Variants in TAFA2 observed in about 807,000 individuals in gnomAD.
The protein encoded by TAFA2 is chemokine-like protein TAFA-2.
TAFA2 carries 7 observed loss-of-function variants against 18.8 expected under a neutral mutation model. The observed-to-expected ratio is 0.37, with a 90% CI of 0.21 to 0.70. The LOEUF (loss-of-function observed/expected upper bound fraction) is 0.70. Among genes scored for constraint, TAFA2 ranks in the 30% least tolerant of loss-of-function variants. The pLI is 0.53. For synonymous variants in TAFA2, 60 were observed against 54.2 expected, an observed-to-expected ratio of 1.11 and a Z score of -0.47; for missense variants, 122 against 158.1, an observed-to-expected ratio of 0.77 and a Z score of 1.23.
chr12:61,915,430 C>T (rs1876782204), intron 1 of TAFA2, among the ~76,000 whole-genome samples: 1 of 152,150 alleles, frequency 6.6e-6, no homozygotes, highest in African/African-American at 2.4e-5. Context: ...TGGTTCTGAG[C>T]CATGTGTATT....
At chr12:62,020,796 C>T (rs12831463) in intron 1 of TAFA2, among the ~76,000 whole-genome samples, 1 of 151,892 alleles carries the variant, frequency 6.6e-6, no homozygotes, top group South Asian at 2.1e-4. Flanking sequence ...TGGCAGATAT[C>T]ACAATGGCCA....
At chr12:62,115,263 C>T (rs1330069075) in intron 1 of TAFA2, among the ~76,000 whole-genome samples, 1 of 152,142 alleles carries the variant, frequency 6.6e-6, no homozygotes, top group Non-Finnish European at 1.5e-5. Flanking sequence ...TGTATGTCTC[C>T]TTCCCCAGGC....
intron 2 of TAFA2, among the ~76,000 whole-genome samples, chr12:61,835,349 G>T (rs1285559396): frequency 6.6e-6 from 1 of 151,804 alleles, no homozygotes; most frequent in African/African-American, 2.4e-5. Context: ...CATGTTCTTT[G>T]AAAAAGATAT....
At chr12:62,125,171 C>T (rs1276287437) in intron 1 of TAFA2, among the ~76,000 whole-genome samples, 1 of 152,052 alleles carries the variant, frequency 6.6e-6, no homozygotes, top group Non-Finnish European at 1.5e-5. Context: ...GAATTGTATA[C>T]CTTTTATTTT....
At chr12:61,722,231 A>G (rs1231199202) in intron 4 of TAFA2, among the ~76,000 whole-genome samples, 1 of 152,192 alleles carries the variant, frequency 6.6e-6, no homozygotes, top group Non-Finnish European at 1.5e-5. Context: ...TAGCAAGAAA[A>G]AAGACTAATC....
At chr12:61,985,052 T>A (rs1237850509) in intron 1 of TAFA2, among the ~76,000 whole-genome samples, 1 of 152,178 alleles carries the variant, frequency 6.6e-6, no homozygotes, top group Non-Finnish European at 1.5e-5. Context: ...TAAAAGTTGC[T>A]TTGAATGTGA....
At chr12:61,959,554 A>G (rs1338354134) in intron 1 of TAFA2, among the ~76,000 whole-genome samples, 5 of 152,066 alleles carry the variant, frequency 3.3e-5, no homozygotes, top group Non-Finnish European at 5.9e-5. Flanking sequence ...GTTTTTATTC[A>G]ATTATAAATG....
intron 1 of TAFA2, among the ~76,000 whole-genome samples, chr12:62,038,326 A>G (rs1021212542): frequency 1.3e-5 from 2 of 152,228 alleles, no homozygotes; most frequent in Non-Finnish European, 2.9e-5. Flanking sequence ...ATATTAAAAT[A>G]CCATGTAAAC....
chr12:62,123,449 A>T (rs1870302522), intron 1 of TAFA2, among the ~76,000 whole-genome samples: 1 of 152,128 alleles, frequency 6.6e-6, no homozygotes, highest in South Asian at 2.1e-4. Flanking sequence ...AAAAATCACA[A>T]GAAATGGAAA....
chr12:61,965,126 C>T (rs984679496), intron 1 of TAFA2, among the ~76,000 whole-genome samples: 24 of 151,848 alleles, frequency 1.6e-4, no homozygotes, highest in African/African-American at 5.8e-4. Flanking sequence ...AATTTAAATC[C>T]TAATCCCCAA....
chr12:62,154,053 CT>C lies in TAFA2; in HGVS notation c.-2+37205del, dbSNP rs756532860. ...GCCTCAACCTCCTGAGTAGCTGAACCTACAGGCACCTGCCACCACACCTGGC... is the reference window on the plus strand; with the variant it reads ...GCCTCAACCTCCTGAGTAGCTGAACCACAGGCACCTGCCACCACACCTGGC... On this transcript the variant is annotated intron_variant, in intron 1 of 4. Transcript: ENST00000416284. Among the ~76,000 whole-genome samples the C allele has an allele frequency of 2.6e-5, 4 of 152,000 alleles. No individual in the cohort carries two copies. In the East Asian group the frequency reaches 7.7e-4, roughly 29 times the overall value.
chr12:61,951,340 G>T (rs1224643708), intron 1 of TAFA2, among the ~76,000 whole-genome samples: 1 of 152,094 alleles, frequency 6.6e-6, no homozygotes, highest in East Asian at 1.9e-4. Context: ...AAACAAAATG[G>T]TTACAATAAA....
At chr12:61,845,578 G>A (rs1415809422) in intron 2 of TAFA2, among the ~76,000 whole-genome samples, 1 of 152,134 alleles carries the variant, frequency 6.6e-6, no homozygotes, top group Non-Finnish European at 1.5e-5. Flanking sequence ...CCTATGAAGA[G>A]TTGGTATTAG....
chr12:61,728,193 A>G (rs141111307), intron 4 of TAFA2, among the ~76,000 whole-genome samples: 1 of 152,012 alleles, frequency 6.6e-6, no homozygotes, highest in Non-Finnish European at 1.5e-5. Context: ...TAGAATGTAT[A>G]TTGTGCAGTT....
intron 1 of TAFA2, chr12:62,234,958 T>C: frequency 1.4e-6 from 1 of 708,562 alleles, no homozygotes; most frequent in South Asian, 1.3e-5. Context: ...GTGGAAGGCA[T>C]GGTCGAGGCC....
chr12:61,748,256 G>A (rs1301424233), intron 4 of TAFA2, among the ~76,000 whole-genome samples: 1 of 152,074 alleles, frequency 6.6e-6, no homozygotes, highest in African/African-American at 2.4e-5. Flanking sequence ...GTGTGTAGTA[G>A]ATCACTAAGT....
chr12:62,049,348 G>C (rs559183126), intron 1 of TAFA2, among the ~76,000 whole-genome samples: 1 of 152,208 alleles, frequency 6.6e-6, no homozygotes, highest in Non-Finnish European at 1.5e-5. Context: ...TGGCAGCACT[G>C]TGACTTGGAA....
At chr12:61,870,000 C>T (rs929725350) in intron 1 of TAFA2, among the ~76,000 whole-genome samples, 1 of 152,142 alleles carries the variant, frequency 6.6e-6, no homozygotes, top group African/African-American at 2.4e-5. Context: ...CATCATTTTT[C>T]CATACCATTG....
At chr12:62,135,128 T>C (rs1249147767) in intron 1 of TAFA2, among the ~76,000 whole-genome samples, 1 of 152,090 alleles carries the variant, frequency 6.6e-6, no homozygotes, top group Non-Finnish European at 1.5e-5. Flanking sequence ...TGGTAAGCTC[T>C]ATGGAGTCAA....
Sources: allele counts gnomAD v4.1 joint callset (sites outside exome capture counted in the v4.1 genomes callset), GRCh38; gene constraint gnomAD v4.1.1; transcripts MANE v1.5; gene names NCBI Gene and HGNC (gene_info 2026-07-23, HGNC 2026-07-21).